Variants in KCNIP4 observed in about 807,000 individuals in gnomAD.
The protein encoded by KCNIP4 is Kv channel-interacting protein 4.
KCNIP4 carries 12 observed loss-of-function variants against 34.0 expected under a neutral mutation model. The ratio of observed to expected loss-of-function variants is 0.35; its 90% confidence interval spans 0.23 to 0.57. The LOEUF (loss-of-function observed/expected upper bound fraction) is 0.57, where lower values mean the gene tolerates loss of function less well. KCNIP4 is among the 20% of genes least tolerant of loss of function. The pLI is 0.83. For synonymous variants in KCNIP4, 124 were observed against 102.2 expected (o/e 1.21, Z -1.29); for missense variants, 238 against 311.7 (o/e 0.76, Z 1.78).
chr4:21,895,772 T>A (rs563523096), intron 1 of KCNIP4, among the ~76,000 whole-genome samples: 142 of 152,218 alleles, frequency 9.3e-4, no homozygotes, highest in Non-Finnish European at 1.6e-3. Context: ...GCCCATAGCA[T>A]CTGTCCTCAG....
intron 2 of KCNIP4, among the ~76,000 whole-genome samples, chr4:20,875,880 A>G (rs1723967496): frequency 6.6e-6 from 1 of 152,234 alleles, no homozygotes; most frequent in African/African-American, 2.4e-5. Context: ...TGCTACCGGG[A>G]AAAACAAAAC....
intron 1 of KCNIP4, among the ~76,000 whole-genome samples, chr4:21,305,163 C>G (rs750131315): frequency 3.3e-5 from 5 of 152,096 alleles, no homozygotes; most frequent in Admixed American, 6.5e-5. Context: ...GATGAACAAG[C>G]TGAGGACTGA....
chr4:21,058,507 T>G (rs1743622864), intron 1 of KCNIP4, among the ~76,000 whole-genome samples: 2 of 152,106 alleles, frequency 1.3e-5, no homozygotes, highest in South Asian at 4.1e-4. Context: ...TTACTGCTTC[T>G]AAACTCCATT....
chr4:21,226,725 T>A (rs1375718481), intron 1 of KCNIP4, among the ~76,000 whole-genome samples: 1 of 152,196 alleles, frequency 6.6e-6, no homozygotes, highest in African/African-American at 2.4e-5. Flanking sequence ...GAGAATGTGT[T>A]ATCTATTGAG....
intron 3 of KCNIP4, among the ~76,000 whole-genome samples, chr4:20,825,729 A>T (rs1007451108): frequency 1.3e-5 from 2 of 152,198 alleles, no homozygotes; most frequent in Admixed American, 6.5e-5. Flanking sequence ...ATGAGTCATG[A>T]ACATGGGTGT....
intron 1 of KCNIP4, among the ~76,000 whole-genome samples, chr4:21,766,518 T>C (rs1718428055): frequency 6.6e-6 from 1 of 152,150 alleles, no homozygotes. Context: ...TCTGCTGCTA[T>C]CACTGTTGGC....
intron 1 of KCNIP4, among the ~76,000 whole-genome samples, chr4:21,014,846 C>T (rs181500721): frequency 6.4e-4 from 98 of 152,144 alleles, no homozygotes; most frequent in Non-Finnish European, 1.3e-3. Context: ...ATAGCCCAAA[C>T]GTGGAAACAA....
intron 1 of KCNIP4, among the ~76,000 whole-genome samples, chr4:21,677,292 T>C (rs1749988128): frequency 6.6e-6 from 1 of 152,190 alleles, no homozygotes; most frequent in Non-Finnish European, 1.5e-5. Context: ...CTATTTTAAT[T>C]CAAAGGGTAT....
At chr4:21,830,566 C>G (rs193029459) in intron 1 of KCNIP4, among the ~76,000 whole-genome samples, 409 of 152,136 alleles carry the variant, frequency 2.7e-3, no homozygotes, top group African/African-American at 9.5e-3. Flanking sequence ...CCCAGCTACT[C>G]AGGAAGCTGT....
chr4:20,791,910 C>A (rs953942521), intron 3 of KCNIP4, among the ~76,000 whole-genome samples: 2 of 152,180 alleles, frequency 1.3e-5, no homozygotes, highest in African/African-American at 4.8e-5. Flanking sequence ...CATAAACTGT[C>A]TTTGGATGTG....
intron 1 of KCNIP4, among the ~76,000 whole-genome samples, chr4:21,042,232 A>C (rs1194623395): frequency 6.6e-6 from 1 of 152,074 alleles, no homozygotes; most frequent in Non-Finnish European, 1.5e-5. Context: ...TTGAAAATAC[A>C]CTCCTATGTT....
intron 1 of KCNIP4, among the ~76,000 whole-genome samples, chr4:21,028,873 T>C (rs558985130): frequency 6.6e-6 from 1 of 152,322 alleles, no homozygotes; most frequent in South Asian, 2.1e-4. Flanking sequence ...CCAACCAATG[T>C]AGTTTGGAAG....
intron 1 of KCNIP4, among the ~76,000 whole-genome samples, chr4:21,586,055 C>T (rs1210966813): frequency 6.6e-6 from 1 of 152,050 alleles, no homozygotes; most frequent in Non-Finnish European, 1.5e-5. Flanking sequence ...TAAGCACTCA[C>T]TCACACTGTG....
chr4:21,006,323 T>C (rs960951979), intron 1 of KCNIP4, among the ~76,000 whole-genome samples: 3 of 152,162 alleles, frequency 2.0e-5, no homozygotes, highest in Non-Finnish European at 1.5e-5. Context: ...TAGAGGCAGA[T>C]TGGGGAGTTG....
At chr4:20,855,151 C>T (rs1721440675) in intron 2 of KCNIP4, among the ~76,000 whole-genome samples, 1 of 152,140 alleles carries the variant, frequency 6.6e-6, no homozygotes, top group Non-Finnish European at 1.5e-5. Context: ...GTCATGTAAG[C>T]ACAAGTCTGG....
intron 1 of KCNIP4, among the ~76,000 whole-genome samples, chr4:21,534,508 G>A (rs1736992012): frequency 6.6e-6 from 1 of 152,150 alleles, no homozygotes; most frequent in African/African-American, 2.4e-5. Flanking sequence ...GTCCATAGCT[G>A]TAGTGATAGT....
chr4:20,753,376 C>G (rs2149348827), intron 4 of KCNIP4, among the ~76,000 whole-genome samples: 1 of 152,240 alleles, frequency 6.6e-6, no homozygotes, highest in Admixed American at 6.5e-5. Context: ...GAAAAGTAAA[C>G]TACTCGAGGT....
intron 1 of KCNIP4, among the ~76,000 whole-genome samples, chr4:20,979,543 C>T (rs1042137676): frequency 2.6e-5 from 4 of 152,038 alleles, no homozygotes; most frequent in Non-Finnish European, 2.9e-5. Context: ...GGACTACCGG[C>T]GCCCGCCACC....
intron 1 of KCNIP4, among the ~76,000 whole-genome samples, chr4:21,434,727 C>T (rs897097409): frequency 1.3e-5 from 2 of 150,662 alleles, no homozygotes; most frequent in African/African-American, 4.9e-5. Context: ...AGTTTCATTC[C>T]AAAACGATCC....
Sources: gnomAD v4.1 joint callset for allele counts (sites outside exome capture counted in the v4.1 genomes callset) on GRCh38, gnomAD v4.1.1 for gene constraint, MANE v1.5 for transcripts, NCBI Gene and HGNC (gene_info 2026-07-23, HGNC 2026-07-21) for gene names.